Variants in CPED1 observed in about 807,000 individuals in gnomAD.
CPED1 encodes the protein cadherin like and PC-esterase domain containing 1.
A neutral mutation model predicts 128.2 loss-of-function variants in CPED1; 114 were observed. That is an observed-to-expected ratio of 0.89 (90% CI 0.76 to 1.04). The LOEUF is 1.04. Ranked by LOEUF, CPED1 falls within the 50% of genes least tolerant of loss-of-function variation. CPED1 has a pLI of 0.00. For synonymous variants in CPED1, 462 were observed against 426.7 expected (o/e 1.08, Z -1.02); for missense variants, 1,211 against 1,207.1 (o/e 1.00, Z -0.05).
chr7:121,080,408 G>C (rs913595418), intron 5 of CPED1, among the ~76,000 whole-genome samples: 2 of 152,168 alleles, frequency 1.3e-5, no homozygotes, highest in Middle Eastern at 3.4e-3. Flanking sequence ...GAAATATTAG[G>C]AGTTAATCTG....
At chr7:121,061,653 A>G (rs182259838) in intron 4 of CPED1, among the ~76,000 whole-genome samples, 17 of 152,314 alleles carry the variant, frequency 1.1e-4, no homozygotes, top group East Asian at 1.9e-4. Context: ...AATAATTGCA[A>G]TGTTAAGCTG....
At chr7:121,266,926 C>G in intron 20 of CPED1, 118 bp downstream of exon 20, 1 of 730,338 alleles carries the variant, frequency 1.4e-6, no homozygotes, top group Admixed American at 2.5e-5. Flanking sequence ...TCATTAAGTA[C>G]TTAAAGTCTA....
Position 121,072,114 on chromosome 7 carries a change from C to T in CPED1, c.616+7801C>T, listed in dbSNP as rs1233737513. Among the ~76,000 whole-genome samples the T allele has an allele frequency of 5.3e-5, 8 of 151,710 alleles. No homozygotes were observed. The East Asian group carries it at 1.6e-3, about 29-fold the overall frequency. ...TAATCTGTCAGCTGAGGTAGAAACA[C>T]CTGGAACATTCTTTCACACTAGCGC... On this transcript the variant is annotated intron_variant, in intron 5 of 22. Coordinates refer to ENST00000310396, the MANE Select transcript of CPED1 (RefSeq NM_024913.5).
intron 18 of CPED1, among the ~76,000 whole-genome samples, chr7:121,245,610 A>G (rs897627645): frequency 6.6e-6 from 1 of 152,104 alleles, no homozygotes. Flanking sequence ...AGATATTATC[A>G]TATCTTTTTT....
intron 22 of CPED1, among the ~76,000 whole-genome samples, chr7:121,292,154 T>C (rs7809135): frequency 0.42 from 63,727 of 151,738 alleles, 14,240 homozygotes; most frequent in African/African-American, 0.57. Context: ...ACCAATCAAA[T>C]GTAGGCTTGG....
chr7:121,044,886 C>A (rs568447394), intron 3 of CPED1, among the ~76,000 whole-genome samples: 54 of 152,178 alleles, frequency 3.5e-4, no homozygotes, highest in South Asian at 1.2e-3. Context: ...GAGACCAAAA[C>A]ACTGCAGGTC....
intron 8 of CPED1, among the ~76,000 whole-genome samples, chr7:121,125,466 C>G: frequency 6.6e-6 from 1 of 152,098 alleles, no homozygotes; most frequent in Non-Finnish European, 1.5e-5. Flanking sequence ...TCCTTGCCCC[C>G]CAACCCCCAA....
chr7:121,007,775 G>A (rs1229791194), intron 2 of CPED1, among the ~76,000 whole-genome samples: 1 of 151,774 alleles, frequency 6.6e-6, no homozygotes, highest in East Asian at 1.9e-4. Context: ...GTTACACATA[G>A]CATTATTTGA....
intron 16 of CPED1, among the ~76,000 whole-genome samples, chr7:121,229,018 TTA>T: frequency 6.6e-6 from 1 of 151,728 alleles, no homozygotes. Context: ...GACAAGTGGG[TTA>T]AAGGGTACAA....
At chr7:121,204,845 T>A (rs1001028157) in intron 16 of CPED1, among the ~76,000 whole-genome samples, 2 of 152,086 alleles carry the variant, frequency 1.3e-5, no homozygotes, top group Non-Finnish European at 2.9e-5. Flanking sequence ...CTGTGCAACA[T>A]GTGTTGAAGC....
chr7:120,997,465 G>A (rs902977664), intron 2 of CPED1, among the ~76,000 whole-genome samples: 6 of 152,146 alleles, frequency 3.9e-5, no homozygotes, highest in Non-Finnish European at 8.8e-5. Context: ...GGTATTATGG[G>A]TTAAATTGTG....
intron 22 of CPED1, among the ~76,000 whole-genome samples, chr7:121,279,047 AC>A (rs1792384085): frequency 6.6e-6 from 1 of 152,126 alleles, no homozygotes; most frequent in Admixed American, 6.5e-5. Context: ...TATTTTGATT[AC>A]CATTTCCTAC....
At chr7:121,109,132 T>C (rs767101641) in intron 7 of CPED1, among the ~76,000 whole-genome samples, 166 of 152,162 alleles carry the variant, frequency 1.1e-3, no homozygotes, top group Non-Finnish European at 1.5e-3. Context: ...TATTATGATA[T>C]AGAACTGAAA....
chr7:121,084,233 A>G (rs756342219), intron 5 of CPED1, among the ~76,000 whole-genome samples: 6 of 152,214 alleles, frequency 3.9e-5, no homozygotes, highest in Non-Finnish European at 5.9e-5. Context: ...GAAAATAGAT[A>G]TATATTCATT....
intron 16 of CPED1, among the ~76,000 whole-genome samples, chr7:121,203,039 C>T (rs1271098571): frequency 2.0e-5 from 3 of 152,068 alleles, no homozygotes; most frequent in Admixed American, 1.3e-4. Flanking sequence ...CCCACTGACT[C>T]GCAGCCCATG....
intron 3 of CPED1, among the ~76,000 whole-genome samples, chr7:121,032,541 T>C (rs1792760395): frequency 2.3e-5 from 1 of 42,752 alleles, no homozygotes; most frequent in South Asian, 8.8e-4. Flanking sequence ...CCTGTCAGGG[T>C]GTCGGGGTGG....
chr7:121,022,939 C>T lies in CPED1; in HGVS notation c.433+7091C>T, dbSNP rs560129079. Among the ~76,000 whole-genome samples, 5 of 151,886 alleles carry T rather than the reference C, an allele frequency of 3.3e-5. No homozygotes were observed. In the East Asian group the frequency reaches 9.7e-4, roughly 29 times the overall value. ...CGTACTTCTCTAGAAAAAAAAGACA[C>T]CATCAAATTATTATCTTTCCTATCA... is the stretch of plus-strand genomic sequence containing the variant. On this transcript the variant is annotated intron_variant, in intron 3 of 22. Transcript: ENST00000310396.
intron 16 of CPED1, among the ~76,000 whole-genome samples, chr7:121,161,432 C>T (rs914116157): frequency 9.9e-5 from 15 of 152,166 alleles, no homozygotes; most frequent in Non-Finnish European, 1.5e-5. Flanking sequence ...GACTCTCACA[C>T]CTTGAATCTC....
At chr7:121,227,835 A>T (rs777843149) in intron 16 of CPED1, among the ~76,000 whole-genome samples, 7 of 152,092 alleles carry the variant, frequency 4.6e-5, no homozygotes, top group Non-Finnish European at 1.0e-4. Context: ...TTTATCCTTG[A>T]GGAGCTTGAC....
Sources: allele counts gnomAD v4.1 joint callset (sites outside exome capture counted in the v4.1 genomes callset), GRCh38; gene constraint gnomAD v4.1.1; transcripts MANE v1.5; gene names NCBI Gene and HGNC (gene_info 2026-07-23, HGNC 2026-07-21).